Variants in CCNI observed in about 807,000 individuals in gnomAD.
CCNI encodes the protein cyclin I.
Under a neutral mutation model 34.1 loss-of-function variants are expected in CCNI, and 14 were observed. The ratio of observed to expected loss-of-function variants is 0.41; its 90% CI spans 0.27 to 0.64. The LOEUF is 0.64. Among genes scored for constraint, CCNI ranks in the 30% least tolerant of loss-of-function variants. The pLI, the probability that CCNI is intolerant of heterozygous loss-of-function variation, is 0.31. For missense variants in CCNI, 385 were observed against 440.5 expected (o/e 0.87, Z 1.13); for synonymous variants, 154 against 158.4 (o/e 0.97, Z 0.21).
chr4:77,063,075 CAG>C (rs1458892506), intron 2 of CCNI, among the ~76,000 whole-genome samples: 1 of 152,028 alleles, frequency 6.6e-6, no homozygotes, highest in Admixed American at 6.6e-5. Context: ...ATAAGGGAAG[CAG>C]AGTGTGGCAG....
chr4:77,060,821 C>T (rs4252857), intron 2 of CCNI, among the ~76,000 whole-genome samples: 3,116 of 152,140 alleles, frequency 0.02, 109 homozygotes, highest in African/African-American at 0.07. Flanking sequence ...GATGGGGTTT[C>T]GCCATGTTGG....
intron 3 of CCNI, among the ~76,000 whole-genome samples, chr4:77,057,930 G>A (rs1414174382): frequency 6.6e-6 from 1 of 152,228 alleles, no homozygotes; most frequent in African/African-American, 2.4e-5. Context: ...GTATTCTGCT[G>A]ATGCTATACG....
chr4:77,066,157 C>T, intron 2 of CCNI, 92 bp downstream of exon 2: 1 of 1,040,456 alleles, frequency 9.6e-7, no homozygotes, highest in Non-Finnish European at 1.5e-6. Context: ...ATGGTACACA[C>T]TCCTCCAATG....
At chr4:77,061,095 G>C (rs1346370375) in intron 2 of CCNI, among the ~76,000 whole-genome samples, 1 of 152,140 alleles carries the variant, frequency 6.6e-6, no homozygotes, top group Non-Finnish European at 1.5e-5. Flanking sequence ...ACAGGGCCAA[G>C]AAAAGCATTC....
chr4:77,050,920 T>A (rs1163418200), intron 6 of CCNI, among the ~76,000 whole-genome samples: 2 of 151,830 alleles, frequency 1.3e-5, no homozygotes, highest in Non-Finnish European at 2.9e-5. Flanking sequence ...AGTACAGTCA[T>A]CCCACAGTAT....
chr4:77,061,170 A>G (rs1277935988), intron 2 of CCNI, among the ~76,000 whole-genome samples: 2 of 152,218 alleles, frequency 1.3e-5, no homozygotes, highest in Non-Finnish European at 1.5e-5. Context: ...TCCAAAAGAT[A>G]ACAGTTTAAG....
At chr4:77,051,669 T>C (rs1414700449) in intron 6 of CCNI, among the ~76,000 whole-genome samples, 3 of 152,150 alleles carry the variant, frequency 2.0e-5, no homozygotes, top group Non-Finnish European at 2.9e-5. Context: ...CTTCTTGAGA[T>C]CCAGTGGAAG....
chr4:77,075,825 C>T lies in CCNI; in HGVS notation c.-397G>A, dbSNP rs1729920221. On this transcript the variant is annotated 5_prime_UTR_variant, in exon 1 of 7. Coordinates refer to ENST00000237654, the MANE Select transcript of CCNI (RefSeq NM_006835.3). ...GGGGAGAGGCGGGGGGTGAGACCGGCTCTGCCCCTGCCCGGGGAAAGCGCC... is the reference window on the plus strand; with the variant it reads ...GGGGAGAGGCGGGGGGTGAGACCGGTTCTGCCCCTGCCCGGGGAAAGCGCC... 6.7e-6 allele frequency: 1 copy of T among 148,862 alleles called. No homozygotes were observed. Among genetic ancestry groups the T allele is most frequent in the African/African-American group, 2.5e-5 (1 of 40,012 alleles). The allele number at this position is 148,862 out of a possible 1,614,324, so 9.2% of individuals were successfully genotyped here.
chr4:77,066,482 TAAAAC>T lies in CCNI; in HGVS notation c.-43-82_-43-78del, dbSNP rs369767801. 765 of 1,037,094 alleles carry T rather than the reference TAAAAC, an allele frequency of 7.4e-4. 2 individuals carry two copies. In the African/African-American group the frequency reaches 0.011, roughly 14 times the overall value. 64.2% of individuals were successfully genotyped at this position (1,037,094 alleles called of 1,614,324 possible). On this transcript the variant is annotated intron_variant, in intron 1 of 6. Transcript: ENST00000237654. The stretch of plus-strand genomic sequence containing the variant: ...TATAAAGTACTAATTAAGCAACTCA[TAAAAC>T]AAAATAAGAATGCTATGAGGCAGTA...
intron 2 of CCNI, among the ~76,000 whole-genome samples, chr4:77,060,933 CT>C (rs4252856): frequency 0.23 from 35,047 of 151,852 alleles, 7,366 homozygotes; most frequent in African/African-American, 0.56. Flanking sequence ...CCTAATTTTA[CT>C]TTTTTGTAGA....
At chr4:77,054,215 A>C (rs1038936678) in intron 6 of CCNI, among the ~76,000 whole-genome samples, 15 of 152,190 alleles carry the variant, frequency 9.9e-5, no homozygotes, top group African/African-American at 3.4e-4. Flanking sequence ...TTCAACTATT[A>C]TGTTTTTCTT....
At chr4:77,073,364 A>T (rs1320907577) in intron 1 of CCNI, among the ~76,000 whole-genome samples, 2 of 152,226 alleles carry the variant, frequency 1.3e-5, no homozygotes, top group African/African-American at 4.8e-5. Flanking sequence ...TCCTCTGAGG[A>T]AAAGTGCTGC....
intron 6 of CCNI, 95 bp downstream of exon 6, chr4:77,055,055 T>C: frequency 1.3e-6 from 1 of 769,022 alleles, no homozygotes; most frequent in Non-Finnish European, 2.2e-6. Flanking sequence ...GGTTTGCCAT[T>C]ACAACATGAG....
At position 77,075,727 on chromosome 4, in the gene CCNI, C is replaced by T; in HGVS notation, c.-299G>A. 1 of 240,396 alleles carries T rather than the reference C, an allele frequency of 4.2e-6. No homozygotes were observed. Among genetic ancestry groups the T allele is most frequent in the South Asian group, 1.5e-4 (1 of 6,614 alleles). The allele number at this position is 240,396 out of a possible 1,614,324, so 14.9% of individuals were successfully genotyped here. A position where few individuals can be genotyped will look rare whatever the true frequency, so the allele number is the denominator to read the frequency against. On this transcript the variant is annotated 5_prime_UTR_variant, in exon 1 of 7. Transcript: ENST00000237654. ...TCAGCGAATTAGTTCCATGATGACC[C>T]CCGGCCTGAGGCCGCCGCCGCTCGA...
Position 77,075,493 on chromosome 4 carries a change from C to T in CCNI, c.-65G>A, listed in dbSNP as rs985913465. On this transcript the variant is annotated 5_prime_UTR_variant, in exon 1 of 7. Transcript: ENST00000237654. ...TCACCTTCTCCTCCTCTTCCTCCTC[C>T]TCCTCCTCCCCGGCAGAGCTGTAGG... The T allele has an allele frequency of 5.9e-5, 58 of 986,950 alleles. No homozygotes were observed. The African/African-American group carries it at 6.3e-4, about 11-fold the overall frequency. 61.1% of individuals were successfully genotyped at this position (986,950 alleles called of 1,614,324 possible). A position where few individuals can be genotyped will look rare whatever the true frequency, so the allele number is the denominator to read the frequency against.
At chr4:77,059,964 G>A (rs1418168865) in intron 2 of CCNI, among the ~76,000 whole-genome samples, 1 of 152,172 alleles carries the variant, frequency 6.6e-6, no homozygotes, top group East Asian at 1.9e-4. Context: ...CCCAGGAGAG[G>A]TAGGTGATGT....
At chr4:77,060,209 C>A (rs1167457271) in intron 2 of CCNI, among the ~76,000 whole-genome samples, 4 of 151,680 alleles carry the variant, frequency 2.6e-5, no homozygotes, top group African/African-American at 9.7e-5. Flanking sequence ...ACAAAGGTAA[C>A]ATACAAAAAA....
In CCNI at chr4:77,075,538, G is replaced by T. The variant is rs1038475113; in HGVS notation, c.-110C>A. On this transcript the variant is annotated 5_prime_UTR_variant, in exon 1 of 7. Coordinates refer to ENST00000237654, the MANE Select transcript of CCNI (RefSeq NM_006835.3). ...TGTAGGCCTCACAGTGGTGACGCGGGGTCATCCGGGGGCCCGTTACCACCT... is the reference window on the plus strand; with the variant it reads ...TGTAGGCCTCACAGTGGTGACGCGGTGTCATCCGGGGGCCCGTTACCACCT... 3 of 988,452 alleles carry T rather than the reference G, an allele frequency of 3.0e-6. No homozygotes were observed. The highest frequency in any genetic ancestry group is 1.7e-5 in the African/African-American group (1 of 57,314). 61.2% of individuals were successfully genotyped at this position (988,452 alleles called of 1,614,324 possible).
intron 5 of CCNI, 59 bp from the exon 6 acceptor site, chr4:77,055,439 G>T: frequency 5.8e-6 from 6 of 1,028,676 alleles, no homozygotes; most frequent in Non-Finnish European, 8.8e-6. Flanking sequence ...ATTACATATA[G>T]AAATTGATGC....
Sources: allele counts gnomAD v4.1 joint callset (sites outside exome capture counted in the v4.1 genomes callset), GRCh38; gene constraint gnomAD v4.1.1; transcripts MANE v1.5; gene names NCBI Gene and HGNC (gene_info 2026-07-23, HGNC 2026-07-21).